TSPAN2: variants seen among roughly 807,000 people sequenced by gnomAD.
TSPAN2 encodes tetraspanin 2, also known as tetraspanin-2.
TSPAN2 carries 24 observed loss-of-function variants against 33.3 expected under a neutral mutation model. The ratio of observed to expected loss-of-function variants is 0.72; its 90% CI spans 0.52 to 1.01. The LOEUF is 1.01. TSPAN2 is among the 50% of genes least tolerant of loss of function. TSPAN2 has a pLI of 0.00. For missense variants in TSPAN2, 278 were observed against 281.3 expected (o/e 0.99, Z 0.08); for synonymous variants, 114 against 104.5 (o/e 1.09, Z -0.56).
intron 1 of TSPAN2, among the ~76,000 whole-genome samples, chr1:115,079,667 C>T (rs183574185): frequency 6.6e-6 from 1 of 152,314 alleles, no homozygotes; most frequent in East Asian, 1.9e-4. Flanking sequence ...ACCTCACTAC[C>T]TTGGCCTTCA....
chr1:115,055,825 T>A (rs1647397883), intron 6 of TSPAN2, among the ~76,000 whole-genome samples: 1 of 152,180 alleles, frequency 6.6e-6, no homozygotes. Flanking sequence ...TTAATGGTGG[T>A]AAAACATTTC....
intron 2 of TSPAN2, 82 bp from the exon 3 acceptor site, chr1:115,062,314 G>T: frequency 2.9e-6 from 3 of 1,036,148 alleles, no homozygotes; most frequent in Non-Finnish European, 2.9e-6. Flanking sequence ...TCTGGGCACT[G>T]CAGAGCATTC....
intron 1 of TSPAN2, among the ~76,000 whole-genome samples, chr1:115,074,699 T>C (rs1648333460): frequency 6.6e-6 from 1 of 152,228 alleles, no homozygotes; most frequent in Non-Finnish European, 1.5e-5. Context: ...TGTATTTCTC[T>C]TGTAACTTTA....
At chr1:115,051,881 GAACT>G (rs1675325222) in intron 7 of TSPAN2, among the ~76,000 whole-genome samples, 1 of 152,122 alleles carries the variant, frequency 6.6e-6, no homozygotes, top group African/African-American at 2.4e-5. Flanking sequence ...ACAGAGAAAA[GAACT>G]AACGAAGAAA....
chr1:115,057,174 C>A (rs1030062957), intron 6 of TSPAN2, among the ~76,000 whole-genome samples: 2 of 152,190 alleles, frequency 1.3e-5, no homozygotes, highest in Non-Finnish European at 2.9e-5. Context: ...ACACAAAGCT[C>A]ATTTTCTTTT....
chr1:115,085,082 T>C (rs1006364594), intron 1 of TSPAN2, among the ~76,000 whole-genome samples: 1 of 151,764 alleles, frequency 6.6e-6, no homozygotes, highest in African/African-American at 2.4e-5. Flanking sequence ...TGCGGCTTGG[T>C]GGGGGTGTAG....
In TSPAN2 at chr1:115,048,438, C is replaced by T. The variant is rs1302815535; in HGVS notation, c.*2052G>A. The T allele has an allele frequency of 6.6e-6, 1 of 151,672 alleles. No individual in the cohort carries two copies. The highest frequency in any genetic ancestry group is 2.4e-5 in the African/African-American group (1 of 41,328). 9.4% of individuals were successfully genotyped at this position (151,672 alleles called of 1,614,324 possible). A position where few individuals can be genotyped will look rare whatever the true frequency, so the allele number is the denominator to read the frequency against. On this transcript the variant is annotated 3_prime_UTR_variant, in exon 8 of 8. Coordinates refer to ENST00000369516, the MANE Select transcript of TSPAN2 (RefSeq NM_005725.6). Reference sequence around the variant, plus strand: ...TACGCATATTTTGGAAAGCTTATCTCCAAAAGGGGCACATTAATCGTACAT... The same window carrying T: ...TACGCATATTTTGGAAAGCTTATCTTCAAAAGGGGCACATTAATCGTACAT...
intron 7 of TSPAN2, among the ~76,000 whole-genome samples, chr1:115,052,850 G>A (rs1647232540): frequency 6.6e-6 from 1 of 152,004 alleles, no homozygotes; most frequent in Non-Finnish European, 1.5e-5. Flanking sequence ...TAATTTTCAC[G>A]GCAATCCTAT....
At chr1:115,050,725 A>T (rs1226579843) in intron 7 of TSPAN2, among the ~76,000 whole-genome samples, 170 bp from the exon 8 acceptor site, 2 of 152,228 alleles carry the variant, frequency 1.3e-5, no homozygotes, top group Non-Finnish European at 2.9e-5. Context: ...GGGGTAAATA[A>T]TTCTAGATTA....
chr1:115,066,713 T>C (rs1335491918), intron 2 of TSPAN2, among the ~76,000 whole-genome samples: 1 of 152,218 alleles, frequency 6.6e-6, no homozygotes, highest in Non-Finnish European at 1.5e-5. Flanking sequence ...TGTCCCTACA[T>C]TTATGTCCCT....
intron 1 of TSPAN2, among the ~76,000 whole-genome samples, chr1:115,081,783 A>G (rs910623): frequency 0.61 from 92,442 of 152,064 alleles, 29,017 homozygotes; most frequent in Non-Finnish European, 0.7. Context: ...CCTTCAAACC[A>G]AAAGCTTAAT....
At chr1:115,051,690 G>T (rs1280895765) in intron 7 of TSPAN2, among the ~76,000 whole-genome samples, 1 of 152,166 alleles carries the variant, frequency 6.6e-6, no homozygotes, top group Non-Finnish European at 1.5e-5. Context: ...ATCTGTAAGT[G>T]CTAAATTCAA....
At position 115,088,273 on chromosome 1, in the gene TSPAN2, C is replaced by G. The variant is rs151239764; in HGVS notation, c.69+1091G>C. Among the ~76,000 whole-genome samples the G allele has an allele frequency of 6.2e-3, 944 of 152,294 alleles. 8 individuals are homozygous for G. Among genetic ancestry groups the G allele is most frequent in the African/African-American group, 0.021 (883 of 41,540 alleles). On this transcript the variant is annotated intron_variant, in intron 1 of 7. Coordinates refer to ENST00000369516, the MANE Select transcript of TSPAN2 (RefSeq NM_005725.6). ...CCATCATTCAATAATTAATTAGTTG[C>G]AATCATGGGAAGACAACGTCCCCCA...
At chr1:115,054,684 C>T (rs928861716) in intron 6 of TSPAN2, among the ~76,000 whole-genome samples, 2 of 152,162 alleles carry the variant, frequency 1.3e-5, no homozygotes, top group Non-Finnish European at 2.9e-5. Flanking sequence ...AGGTGCCCTT[C>T]TCTGTTGAAA....
intron 3 of TSPAN2, among the ~76,000 whole-genome samples, chr1:115,061,539 A>AT (rs1377662440): frequency 1.4e-4 from 22 of 151,900 alleles, no homozygotes; most frequent in Non-Finnish European, 7.4e-5. Flanking sequence ...ACTGTGAAAT[A>AT]TTTTTTTTTA....
intron 1 of TSPAN2, among the ~76,000 whole-genome samples, chr1:115,086,376 G>A (rs369311009): frequency 2.0e-5 from 3 of 152,180 alleles, no homozygotes; most frequent in Non-Finnish European, 2.9e-5. Flanking sequence ...AGATGGTGGC[G>A]CACACTCCCC....
At chr1:115,074,564 A>G (rs527531442) in intron 1 of TSPAN2, among the ~76,000 whole-genome samples, 2 of 152,232 alleles carry the variant, frequency 1.3e-5, no homozygotes, top group Admixed American at 1.3e-4. Flanking sequence ...CTGCATTTAA[A>G]AAAAGGGTGG....
intron 2 of TSPAN2, among the ~76,000 whole-genome samples, chr1:115,070,463 C>T (rs1419917623): frequency 1.3e-5 from 2 of 150,724 alleles, no homozygotes; most frequent in African/African-American, 4.9e-5. Context: ...TCATACCCTA[C>T]CCCCGGCCCC....
At chr1:115,053,158 G>A (rs1166665775) in intron 7 of TSPAN2, among the ~76,000 whole-genome samples, 1 of 152,148 alleles carries the variant, frequency 6.6e-6, no homozygotes, top group African/African-American at 2.4e-5. Context: ...CACACTCAAG[G>A]TCATAATGAG....
Sources: allele counts gnomAD v4.1 joint callset (sites outside exome capture counted in the v4.1 genomes callset), GRCh38; gene constraint gnomAD v4.1.1; transcripts MANE v1.5; gene names NCBI Gene and HGNC (gene_info 2026-07-23, HGNC 2026-07-21).